CEP83: variants seen among roughly 807,000 people sequenced by gnomAD.
The protein encoded by CEP83 is centrosomal protein of 83 kDa.
CEP83 carries 70 observed loss-of-function variants against 101.9 expected under a neutral mutation model. The observed-to-expected ratio is 0.69, with a 90% CI of 0.57 to 0.84. CEP83 has a LOEUF of 0.84. Ranked by LOEUF, CEP83 falls within the 40% of genes least tolerant of loss-of-function variation. The probability of loss-of-function intolerance (pLI) is 0.00; values close to 1 mark genes in which losing one functional copy is unlikely to be tolerated. For synonymous variants in CEP83, 264 were observed against 267.9 expected (o/e 0.99, Z 0.14); for missense variants, 715 against 787.2 (o/e 0.91, Z 1.10).
intron 1 of CEP83, among the ~76,000 whole-genome samples, chr12:94,451,457 T>A (rs1594156304): frequency 8.5e-6 from 1 of 117,574 alleles, no homozygotes; most frequent in Non-Finnish European, 1.7e-5. Context: ...CTCTTACAAC[T>A]CAGTAAGACC....
rs528553275 is a variant in CEP83, at chr12:94,388,290, A to G, written c.550-9248T>C. Among the ~76,000 whole-genome samples the G allele has an allele frequency of 5.3e-5, 8 of 152,370 alleles. No individual in the cohort carries two copies. In the South Asian group the frequency reaches 1.7e-3, roughly 32 times the overall value. On this transcript the variant is annotated intron_variant, in intron 6 of 16. Coordinates refer to ENST00000397809, the MANE Select transcript of CEP83 (RefSeq NM_016122.3). ...TTGTCCTTTGCAGCAACACAGATAC[A>G]GCTGGAGACTATCATCCAAAGCAAA...
the CEP83 span, among the ~76,000 whole-genome samples, chr12:94,270,386 A>G: frequency 6.6e-6 from 1 of 152,212 alleles, no homozygotes; most frequent in Non-Finnish European, 1.5e-5. Flanking sequence ...AGTCTTAAAT[A>G]CTTTCTGGCC....
chr12:94,420,557 T>C (rs1167515170), intron 2 of CEP83, among the ~76,000 whole-genome samples: 1 of 152,184 alleles, frequency 6.6e-6, no homozygotes, highest in Admixed American at 6.5e-5. Context: ...TAAAACCTTA[T>C]GAGAGTTTGT....
At chr12:94,359,917 A>G (rs2060662062) in intron 11 of CEP83, among the ~76,000 whole-genome samples, 1 of 152,206 alleles carries the variant, frequency 6.6e-6, no homozygotes, top group South Asian at 2.1e-4. Context: ...CAACACGTTA[A>G]AAAGATTATT....
At chr12:94,420,384 A>G (rs1264850978) in intron 2 of CEP83, among the ~76,000 whole-genome samples, 2 of 152,216 alleles carry the variant, frequency 1.3e-5, no homozygotes, top group Non-Finnish European at 2.9e-5. Flanking sequence ...AACAAATCCA[A>G]TGACCATCAA....
At chr12:94,424,863 G>A in intron 2 of CEP83, 1 of 1,602,494 alleles carries the variant, frequency 6.2e-7, no homozygotes, top group Non-Finnish European at 8.5e-7. Flanking sequence ...CTGTTGCTTG[G>A]GCTAGGTGGT....
intron 14 of CEP83, among the ~76,000 whole-genome samples, chr12:94,323,813 T>C (rs933304240): frequency 2.6e-5 from 4 of 152,216 alleles, no homozygotes; most frequent in African/African-American, 7.2e-5. Context: ...AAGTATGATG[T>C]TAGCTGCAGA....
At chr12:94,446,341 T>C (rs978147506) in intron 1 of CEP83, among the ~76,000 whole-genome samples, 1 of 152,232 alleles carries the variant, frequency 6.6e-6, no homozygotes, top group Non-Finnish European at 1.5e-5. Context: ...ATTGTTTTTA[T>C]CAATTAGTCT....
chr12:94,419,675 G>T (rs1422418620), intron 2 of CEP83, among the ~76,000 whole-genome samples: 4 of 151,934 alleles, frequency 2.6e-5, no homozygotes, highest in African/African-American at 9.7e-5. Context: ...AATAAAACAG[G>T]ACACAGCCCA....
chr12:94,364,650 TTTTTTAATG>T (rs1471004348), intron 11 of CEP83, among the ~76,000 whole-genome samples: 9 of 151,900 alleles, frequency 5.9e-5, no homozygotes, highest in African/African-American at 2.2e-4. Context: ...CAAAAAAAAT[TTTTTTAATG>T]TAAAATGGCA....
chr12:94,361,971 G>A (rs188055873), intron 11 of CEP83, among the ~76,000 whole-genome samples: 132 of 152,178 alleles, frequency 8.7e-4, no homozygotes, highest in African/African-American at 2.9e-3. Context: ...AAAGTGCTGG[G>A]ATTACAGGTG....
At chr12:94,289,222 T>TA in the CEP83 span, among the ~76,000 whole-genome samples, 32 of 152,208 alleles carry the variant, frequency 2.1e-4, no homozygotes, top group African/African-American at 7.2e-4. Flanking sequence ...GGAAATGACT[T>TA]AAAGTTGTTG....
intron 14 of CEP83, among the ~76,000 whole-genome samples, chr12:94,320,853 T>C (rs966312012): frequency 6.6e-6 from 1 of 152,228 alleles, no homozygotes; most frequent in Admixed American, 6.5e-5. Flanking sequence ...GAAAATCTGA[T>C]GATTATGTGT....
chr12:94,374,419 C>T (rs1775116755), intron 8 of CEP83, among the ~76,000 whole-genome samples: 1 of 152,116 alleles, frequency 6.6e-6, no homozygotes, highest in African/African-American at 2.4e-5. Context: ...TATTATTTCA[C>T]AAAATTGAAA....
At chr12:94,432,314 G>A (rs556130136) in intron 2 of CEP83, among the ~76,000 whole-genome samples, 2 of 151,704 alleles carry the variant, frequency 1.3e-5, no homozygotes, top group East Asian at 1.9e-4. Context: ...CGCCCACCTC[G>A]GCCTCCCAAA....
the CEP83 span, among the ~76,000 whole-genome samples, chr12:94,275,115 G>C: frequency 5.9e-5 from 9 of 152,310 alleles, no homozygotes; most frequent in Middle Eastern, 3.4e-3. Flanking sequence ...TGCTGGGCCT[G>C]GAACTCAGGG....
chr12:94,419,563 G>GA (rs1355865166), intron 2 of CEP83, among the ~76,000 whole-genome samples: 2 of 151,874 alleles, frequency 1.3e-5, no homozygotes, highest in East Asian at 1.9e-4. Context: ...TGATTTTAAA[G>GA]AAAAAAATGA....
chr12:94,423,545 C>T (rs2064943407), intron 2 of CEP83, among the ~76,000 whole-genome samples: 1 of 151,548 alleles, frequency 6.6e-6, no homozygotes, highest in African/African-American at 2.4e-5. Context: ...CCCCCAGGCT[C>T]CATCAGCAAC....
chr12:94,375,214 G>A lies in CEP83; in HGVS notation c.933+672C>T, dbSNP rs544989505. Among the ~76,000 whole-genome samples the A allele has an allele frequency of 1.2e-3, 177 of 152,244 alleles. 1 individual carries two copies. The highest frequency in any genetic ancestry group is 4.1e-3 in the African/African-American group (170 of 41,550). On this transcript the variant is annotated intron_variant, in intron 8 of 16. Coordinates refer to ENST00000397809, the MANE Select transcript of CEP83 (RefSeq NM_016122.3). ...AGATAGTATTAAGAGCTATGAAGCA[G>A]GTAAGGAAGACAGAGAGAAAGACAG... is the stretch of plus-strand genomic sequence containing the variant.
Sources: allele counts gnomAD v4.1 joint callset (sites outside exome capture counted in the v4.1 genomes callset), GRCh38; gene constraint gnomAD v4.1.1; transcripts MANE v1.5; gene names NCBI Gene and HGNC (gene_info 2026-07-23, HGNC 2026-07-21).